BLVRA: variants seen among roughly 807,000 people sequenced by gnomAD.
BLVRA encodes the protein biliverdin reductase A.
A neutral mutation model predicts 32.8 loss-of-function variants in BLVRA; 22 were observed. The observed-to-expected ratio is 0.67, with a 90% CI of 0.48 to 0.96. BLVRA has a LOEUF of 0.96. BLVRA is among the 40% of genes least tolerant of loss of function. BLVRA has a pLI of 0.00. For synonymous variants in BLVRA, 119 were observed against 141.3 expected, an observed-to-expected ratio of 0.84 and a Z score of 1.12; for missense variants, 323 against 358.1, an observed-to-expected ratio of 0.90 and a Z score of 0.79.
chr7:43,793,631 T>G (rs991966661), intron 5 of BLVRA, among the ~76,000 whole-genome samples: 1 of 151,484 alleles, frequency 6.6e-6, no homozygotes. Flanking sequence ...TTTTTTTTTT[T>G]TTTTTGGTGG....
At chr7:43,804,167 C>T (rs533320086) in intron 7 of BLVRA, among the ~76,000 whole-genome samples, 5 of 152,332 alleles carry the variant, frequency 3.3e-5, no homozygotes, top group African/African-American at 7.2e-5. Context: ...CTTGGCTGGG[C>T]GTGGTGGCTC....
intron 2 of BLVRA, among the ~76,000 whole-genome samples, chr7:43,774,254 A>G (rs200158516): frequency 6.6e-6 from 1 of 152,054 alleles, no homozygotes; most frequent in Non-Finnish European, 1.5e-5. Context: ...GTTTTCTTCT[A>G]GGGTTTTATG....
chr7:43,764,773 C>G (rs1334486082), intron 1 of BLVRA, among the ~76,000 whole-genome samples: 1 of 150,104 alleles, frequency 6.7e-6, no homozygotes, highest in African/African-American at 2.4e-5. Flanking sequence ...CCCCCCACCC[C>G]CCGCAAAAAA....
At chr7:43,774,601 A>G (rs1253178237) in intron 2 of BLVRA, among the ~76,000 whole-genome samples, 1 of 152,246 alleles carries the variant, frequency 6.6e-6, no homozygotes. Flanking sequence ...CTTTTGGCTT[A>G]GGATTGACTT....
Position 43,792,793 on chromosome 7 carries a change from G to C in BLVRA, c.333G>C (p.Trp111Cys). Reference protein sequence around the residue: ...TLSLAAAQELWELAEQKGKVL... With the variant: ...TLSLAAAQELCELAEQKGKVL... Reference sequence around the variant, plus strand: ...CATTGGCGGCCGCTCAGGAACTGTGGGAGCTGGCTGAGCAGAAAGGTAATG... The same window carrying C: ...CATTGGCGGCCGCTCAGGAACTGTGCGAGCTGGCTGAGCAGAAAGGTAATG... Residue 111 changes from tryptophan (W) to cysteine (C), a missense_variant, in exon 5 of 8, where the codon TGG becomes TGC. Trp to Cys is a radical substitution (Grantham distance 215). Coordinates refer to ENST00000265523, the MANE Select transcript of BLVRA (RefSeq NM_000712.4). The C allele has an allele frequency of 6.2e-7, 1 of 1,614,150 alleles. No individual in the cohort carries two copies. Among genetic ancestry groups the C allele is most frequent in the South Asian group, 1.1e-5 (1 of 91,078 alleles).
intron 2 of BLVRA, among the ~76,000 whole-genome samples, chr7:43,776,060 T>G (rs1188320976): frequency 6.6e-6 from 1 of 152,234 alleles, no homozygotes; most frequent in Non-Finnish European, 1.5e-5. Context: ...GCTAGCGGTC[T>G]ATCAATTTTG....
intron 5 of BLVRA, among the ~76,000 whole-genome samples, chr7:43,793,237 T>C (rs563657296): frequency 2.0e-5 from 3 of 152,214 alleles, no homozygotes; most frequent in Non-Finnish European, 4.4e-5. Context: ...AAATATTTAG[T>C]ATATGCTAGG....
intron 1 of BLVRA, among the ~76,000 whole-genome samples, chr7:43,765,646 T>C (rs1326376484): frequency 2.0e-5 from 3 of 152,214 alleles, no homozygotes; most frequent in African/African-American, 7.2e-5. Context: ...ATGTATAAAT[T>C]TGATGCAATC....
chr7:43,759,139 C>G (rs910848720), intron 1 of BLVRA, among the ~76,000 whole-genome samples: 6 of 152,386 alleles, frequency 3.9e-5, no homozygotes, highest in African/African-American at 1.4e-4. Context: ...CGCAGGGCCG[C>G]TAGCTCGGCC....
intron 1 of BLVRA, among the ~76,000 whole-genome samples, chr7:43,763,512 G>T (rs1444110589): frequency 6.6e-6 from 1 of 152,192 alleles, no homozygotes; most frequent in African/African-American, 2.4e-5. Context: ...CACGGGGGGC[G>T]CTCTACTTCT....
chr7:43,761,615 G>A (rs1431547887), intron 1 of BLVRA, among the ~76,000 whole-genome samples: 1 of 152,208 alleles, frequency 6.6e-6, no homozygotes, highest in Non-Finnish European at 1.5e-5. Flanking sequence ...CTTGAAGGAA[G>A]CAGAGCCTTT....
chr7:43,774,588 G>C (rs2095758533), intron 2 of BLVRA, among the ~76,000 whole-genome samples: 1 of 152,202 alleles, frequency 6.6e-6, no homozygotes, highest in Non-Finnish European at 1.5e-5. Flanking sequence ...CTCCGGCTTT[G>C]TTCTTTTGGC....
chr7:43,774,832 T>C (rs1359306963), intron 2 of BLVRA, among the ~76,000 whole-genome samples: 1 of 152,234 alleles, frequency 6.6e-6, no homozygotes, highest in Non-Finnish European at 1.5e-5. Flanking sequence ...TGGTTTGTAG[T>C]TCTCTTTGAA....
intron 5 of BLVRA, among the ~76,000 whole-genome samples, chr7:43,794,097 A>C (rs1320885490): frequency 6.6e-6 from 1 of 150,922 alleles, no homozygotes; most frequent in Admixed American, 6.6e-5. Context: ...ACAAAAATTA[A>C]CTGGGTGTGG....
At chr7:43,799,346 C>T (rs1444111584) in intron 5 of BLVRA, among the ~76,000 whole-genome samples, 1 of 152,198 alleles carries the variant, frequency 6.6e-6, no homozygotes, top group Non-Finnish European at 1.5e-5. Context: ...ATCATAACCA[C>T]ACTTTGTACT....
chr7:43,803,281 T>C (rs921985823), intron 6 of BLVRA, among the ~76,000 whole-genome samples: 1 of 147,708 alleles, frequency 6.8e-6, no homozygotes, highest in Admixed American at 7.0e-5. Context: ...CTAAAGAGGA[T>C]ATATATATAT....
At chr7:43,798,699 CGT>C (rs938120715) in intron 5 of BLVRA, among the ~76,000 whole-genome samples, 3 of 152,150 alleles carry the variant, frequency 2.0e-5, no homozygotes, top group Non-Finnish European at 2.9e-5. Context: ...TGGCTAATAA[CGT>C]TTTGATGGCA....
At chr7:43,775,370 G>A (rs565907136) in intron 2 of BLVRA, among the ~76,000 whole-genome samples, 6,819 of 151,642 alleles carry the variant, frequency 0.045, 508 homozygotes, top group African/African-American at 0.16. Context: ...ATTTTGTCAA[G>A]GGCCTTTTCT....
intron 5 of BLVRA, among the ~76,000 whole-genome samples, chr7:43,793,873 C>T (rs376726585): frequency 2.0e-5 from 3 of 151,568 alleles, no homozygotes; most frequent in Non-Finnish European, 4.4e-5. Flanking sequence ...CCACCCACCT[C>T]GGCCTCCCAA....
Sources: allele counts gnomAD v4.1 joint callset (sites outside exome capture counted in the v4.1 genomes callset), GRCh38; gene constraint gnomAD v4.1.1; transcripts MANE v1.5; gene names NCBI Gene and HGNC (gene_info 2026-07-23, HGNC 2026-07-21).